CCSER1: variants seen among roughly 807,000 people sequenced by gnomAD.
The protein encoded by CCSER1 is serine-rich coiled-coil domain-containing protein 1.
CCSER1 carries 41 observed loss-of-function variants against 82.0 expected under a neutral mutation model. That is an observed-to-expected ratio of 0.50 (90% confidence interval 0.39 to 0.65). The LOEUF is 0.65. Among genes scored for constraint, CCSER1 ranks in the 30% least tolerant of loss-of-function variants. The pLI is 0.00. For missense variants in CCSER1, 1,119 were observed against 1,064.2 expected (o/e 1.05, Z -0.72); for synonymous variants, 414 against 383.9 (o/e 1.08, Z -0.92).
At chr4:90,259,379 A>T (rs1488291959) in intron 1 of CCSER1, among the ~76,000 whole-genome samples, 1 of 151,976 alleles carries the variant, frequency 6.6e-6, no homozygotes, top group African/African-American at 2.4e-5. Flanking sequence ...ATGAGTATTT[A>T]TGGTTTTCTA....
chr4:90,933,504 TA>T (rs956552146), intron 9 of CCSER1, among the ~76,000 whole-genome samples: 1 of 151,830 alleles, frequency 6.6e-6, no homozygotes, highest in Non-Finnish European at 1.5e-5. Context: ...TTTTTTTTTT[TA>T]ATTTATGAAA....
chr4:90,336,482 G>C (rs1740421738), intron 3 of CCSER1, among the ~76,000 whole-genome samples: 1 of 152,150 alleles, frequency 6.6e-6, no homozygotes, highest in African/African-American at 2.4e-5. Context: ...GTTTTCACCT[G>C]TCTTCTTCCT....
chr4:91,292,782 CAGG>C (rs1743854006), intron 10 of CCSER1, among the ~76,000 whole-genome samples: 1 of 151,792 alleles, frequency 6.6e-6, no homozygotes, highest in Non-Finnish European at 1.5e-5. Flanking sequence ...TTAAAAAAGT[CAGG>C]AGGTGAATCA....
intron 10 of CCSER1, among the ~76,000 whole-genome samples, chr4:91,567,140 C>A (rs1191781383): frequency 6.6e-6 from 1 of 152,010 alleles, no homozygotes; most frequent in African/African-American, 2.4e-5. Context: ...CATTAGTTAC[C>A]CAAAAGTCAT....
intron 5 of CCSER1, among the ~76,000 whole-genome samples, chr4:90,481,968 C>G (rs1766071839): frequency 6.6e-6 from 1 of 152,148 alleles, no homozygotes; most frequent in Admixed American, 6.5e-5. Context: ...CCTTGTACCT[C>G]TGGTAGAATT....
At chr4:91,442,075 C>T (rs985037619) in intron 10 of CCSER1, among the ~76,000 whole-genome samples, 1 of 151,872 alleles carries the variant, frequency 6.6e-6, no homozygotes, top group African/African-American at 2.4e-5. Context: ...CAATGCCATC[C>T]CCATCAAGCT....
chr4:91,496,599 T>TTCAATATATA (rs1213753063), intron 10 of CCSER1, among the ~76,000 whole-genome samples: 2 of 28,370 alleles, frequency 7.0e-5, no homozygotes, highest in Non-Finnish European at 1.7e-4. Flanking sequence ...CGAATATATA[T>TTCAATATATA]TTGAATATAT....
intron 1 of CCSER1, among the ~76,000 whole-genome samples, chr4:90,283,334 T>C (rs1253175324): frequency 6.6e-6 from 1 of 151,946 alleles, no homozygotes; most frequent in Non-Finnish European, 1.5e-5. Context: ...TTTTTATTTG[T>C]ATTTTTATTA....
chr4:90,364,250 T>A (rs564397078), intron 3 of CCSER1, among the ~76,000 whole-genome samples: 1 of 152,138 alleles, frequency 6.6e-6, no homozygotes, highest in Admixed American at 6.5e-5. Flanking sequence ...TTTCAAATTG[T>A]CTGTCTCTCT....
intron 10 of CCSER1, among the ~76,000 whole-genome samples, chr4:91,140,936 G>A (rs1225359222): frequency 6.6e-6 from 1 of 151,986 alleles, no homozygotes; most frequent in Non-Finnish European, 1.5e-5. Context: ...CATCCAATAG[G>A]TAGTTTCTCA....
intron 8 of CCSER1, 142 bp from the exon 9 acceptor site, chr4:90,923,228 T>C (rs1581097768): frequency 1.6e-6 from 1 of 641,460 alleles, no homozygotes; most frequent in East Asian, 2.8e-5. Flanking sequence ...TTAAGCTTAT[T>C]TTAAGAGCAC....
chr4:90,882,230 C>A (rs980506908), intron 8 of CCSER1, among the ~76,000 whole-genome samples: 2 of 152,018 alleles, frequency 1.3e-5, no homozygotes. Flanking sequence ...TATACCTAGT[C>A]ATAATAAGGA....
At chr4:91,212,433 G>A (rs1031264215) in intron 10 of CCSER1, among the ~76,000 whole-genome samples, 1 of 151,940 alleles carries the variant, frequency 6.6e-6, no homozygotes, top group Non-Finnish European at 1.5e-5. Flanking sequence ...CAGCTGCTAA[G>A]TGGTTCTAGC....
intron 10 of CCSER1, among the ~76,000 whole-genome samples, chr4:91,315,906 C>A (rs1308000245): frequency 6.6e-6 from 1 of 151,930 alleles, no homozygotes; most frequent in Non-Finnish European, 1.5e-5. Context: ...GTGTCCCCAC[C>A]CACATCTCAT....
rs1333300149 is a variant in CCSER1, at chr4:91,077,741, C to T, written c.2173-8209C>T. ...GGCACTTGGAAAATTGGGGCACTCC[C>T]ACCCCAATACTGCACTTTTCCAATG... On this transcript the variant is annotated intron_variant, in intron 9 of 10. Transcript: ENST00000509176. Among the ~76,000 whole-genome samples the T allele has an allele frequency of 5.3e-5, 8 of 152,210 alleles. No homozygotes were observed. In the South Asian group the frequency reaches 8.3e-4, roughly 16 times the overall value.
At chr4:90,397,922 C>T (rs532954330) in intron 3 of CCSER1, among the ~76,000 whole-genome samples, 1 of 152,324 alleles carries the variant, frequency 6.6e-6, no homozygotes, top group African/African-American at 2.4e-5. Context: ...CTGTCCTTCA[C>T]TGCTTTCTAA....
In CCSER1 at chr4:91,240,357, G is replaced by A. The variant is rs1358205687; in HGVS notation, c.2217+154363G>A. ...CTCCCAAAGTGCTGGTATTACAAGC[G>A]TGAGCCACTGCGCCCGGCCTATTTT... On this transcript the variant is annotated intron_variant, in intron 10 of 10. Coordinates refer to ENST00000509176, the MANE Select transcript of CCSER1 (RefSeq NM_001145065.2). Among the ~76,000 whole-genome samples the A allele has an allele frequency of 4.1e-3, 208 of 50,518 alleles. 1 individual carries two copies. The highest frequency in any genetic ancestry group is 9.8e-3 in the Middle Eastern group (1 of 102). The allele number at this position is 50,518 out of a possible 152,430, so 33.1% of individuals were successfully genotyped here.
At chr4:90,782,689 T>C (rs201486364) in intron 7 of CCSER1, among the ~76,000 whole-genome samples, 5 of 110,128 alleles carry the variant, frequency 4.5e-5, no homozygotes, top group African/African-American at 5.5e-5. Flanking sequence ...TTCTTTCTTT[T>C]TTTTTTTTTT....
chr4:91,572,527 G>A (rs978026387), intron 10 of CCSER1, among the ~76,000 whole-genome samples: 22 of 152,116 alleles, frequency 1.4e-4, no homozygotes, highest in African/African-American at 7.2e-5. Context: ...CGGCAAAGAC[G>A]GTAGCCTGGT....
Sources: allele counts gnomAD v4.1 joint callset (sites outside exome capture counted in the v4.1 genomes callset), GRCh38; gene constraint gnomAD v4.1.1; transcripts MANE v1.5; gene names NCBI Gene and HGNC (gene_info 2026-07-23, HGNC 2026-07-21).